SOX6: variants seen among roughly 807,000 people sequenced by gnomAD.
SOX6 encodes transcription factor SOX-6.
In SOX6, 11 loss-of-function variants were observed where a neutral mutation model predicts 97.8. That is an observed-to-expected ratio of 0.11 (90% CI 0.07 to 0.19). The LOEUF is 0.19. SOX6 is among the 10% of genes least tolerant of loss of function. The pLI is 1.00. For synonymous variants in SOX6, 360 were observed against 371.4 expected (o/e 0.97, Z 0.35); for missense variants, 810 against 1,039.5 (o/e 0.78, Z 3.04).
intron 13 of SOX6, among the ~76,000 whole-genome samples, chr11:16,004,749 T>C (rs1010831554): frequency 1.3e-5 from 2 of 152,088 alleles, no homozygotes; most frequent in Admixed American, 1.3e-4. Context: ...AGGCAACCAA[T>C]TTAGTCAGCT....
At chr11:16,560,346 T>A (rs1488608998) in intron 4 of SOX6, among the ~76,000 whole-genome samples, 1 of 152,182 alleles carries the variant, frequency 6.6e-6, no homozygotes, top group Non-Finnish European at 1.5e-5. Flanking sequence ...GTTATTCTAG[T>A]GCCTAGCATT....
chr11:16,516,437 G>A (rs1199661017), intron 4 of SOX6, among the ~76,000 whole-genome samples: 1 of 152,102 alleles, frequency 6.6e-6, no homozygotes, highest in African/African-American at 2.4e-5. Flanking sequence ...ATGAGCTTAA[G>A]GAGATTTTGG....
At chr11:16,364,442 G>A (rs1857295603) in intron 1 of SOX6, among the ~76,000 whole-genome samples, 1 of 151,976 alleles carries the variant, frequency 6.6e-6, no homozygotes, top group Non-Finnish European at 1.5e-5. Context: ...CTCCAACCTG[G>A]CCTCCCTCAA....
intron 1 of SOX6, among the ~76,000 whole-genome samples, chr11:16,423,681 G>A (rs540896710): frequency 5.6e-4 from 85 of 152,230 alleles, no homozygotes; most frequent in Non-Finnish European, 1.1e-3. Context: ...TGCTGAATTT[G>A]AAGTGACAAT....
intron 8 of SOX6, among the ~76,000 whole-genome samples, chr11:16,097,215 G>C (rs79840906): frequency 0.011 from 1,615 of 151,864 alleles, 27 homozygotes; most frequent in African/African-American, 0.037. Context: ...TATTCTATGA[G>C]CTACAAGAAG....
At chr11:16,590,473 A>G (rs1848137532) in intron 4 of SOX6, among the ~76,000 whole-genome samples, 1 of 152,200 alleles carries the variant, frequency 6.6e-6, no homozygotes, top group South Asian at 2.1e-4. Flanking sequence ...CACTAACTAC[A>G]TCATTCACAA....
intron 13 of SOX6, among the ~76,000 whole-genome samples, chr11:15,996,459 T>C (rs1312333926): frequency 6.6e-6 from 1 of 151,902 alleles, no homozygotes; most frequent in Non-Finnish European, 1.5e-5. Context: ...TGAGACTCTG[T>C]CTCTACAAAA....
intron 4 of SOX6, among the ~76,000 whole-genome samples, chr11:16,513,027 A>C (rs944580123): frequency 1.3e-5 from 2 of 152,200 alleles, no homozygotes; most frequent in Non-Finnish European, 2.9e-5. Context: ...CAATGAGACA[A>C]CCTGAAAAAA....
chr11:16,063,576 A>C (rs1848021159), intron 9 of SOX6, among the ~76,000 whole-genome samples: 1 of 115,972 alleles, frequency 8.6e-6, no homozygotes, highest in African/African-American at 3.1e-5. Flanking sequence ...TGATACAATC[A>C]TTTAGGATCT....
intron 4 of SOX6, among the ~76,000 whole-genome samples, chr11:16,542,209 C>T (rs909010516): frequency 6.6e-6 from 1 of 152,114 alleles, no homozygotes; most frequent in African/African-American, 2.4e-5. Flanking sequence ...CAAACTATCA[C>T]AAGGACAGAA....
intron 11 of SOX6, among the ~76,000 whole-genome samples, chr11:16,047,673 C>G (rs1016001373): frequency 2.7e-5 from 4 of 150,620 alleles, no homozygotes; most frequent in Admixed American, 6.6e-5. Flanking sequence ...GATCCACTTG[C>G]TTGAGGGCTC....
intron 6 of SOX6, among the ~76,000 whole-genome samples, chr11:16,172,759 T>C (rs1164624196): frequency 2.6e-5 from 4 of 151,936 alleles, no homozygotes; most frequent in Admixed American, 1.3e-4. Flanking sequence ...ATATGGAAAA[T>C]GAAAAGGCAG....
chr11:16,267,230 A>T (rs1854107168), intron 3 of SOX6, among the ~76,000 whole-genome samples: 1 of 151,626 alleles, frequency 6.6e-6, no homozygotes, highest in Admixed American at 6.6e-5. Context: ...TGCACAACAA[A>T]TGAAACAATT....
intron 3 of SOX6, among the ~76,000 whole-genome samples, chr11:16,636,598 A>T (rs1848793885): frequency 6.6e-6 from 1 of 152,100 alleles, no homozygotes; most frequent in East Asian, 1.9e-4. Flanking sequence ...TGAGGACATG[A>T]GATATGGGAG....
chr11:16,148,343 T>A (rs1038448221), intron 6 of SOX6, among the ~76,000 whole-genome samples: 6 of 152,170 alleles, frequency 3.9e-5, no homozygotes, highest in Admixed American at 1.3e-4. Context: ...TCCCAGCTGC[T>A]GTGACTTGTG....
chr11:15,975,132 A>C (rs968163100), intron 15 of SOX6, among the ~76,000 whole-genome samples: 3 of 152,330 alleles, frequency 2.0e-5, no homozygotes, highest in Non-Finnish European at 4.4e-5. Flanking sequence ...TATGATTCTC[A>C]TGGTGAGTTT....
chr11:16,594,052 C>A (rs1419175699), intron 4 of SOX6, among the ~76,000 whole-genome samples: 1 of 152,284 alleles, frequency 6.6e-6, no homozygotes, highest in African/African-American at 2.4e-5. Context: ...TAAGACACAG[C>A]TAATTATGAA....
At chr11:16,727,395 T>A (rs1354179758) in intron 2 of SOX6, among the ~76,000 whole-genome samples, 1 of 145,130 alleles carries the variant, frequency 6.9e-6, no homozygotes, top group Non-Finnish European at 1.5e-5. Context: ...GGATGTAACA[T>A]AATTTATTTA....
At chr11:16,368,042 C>G (rs1034953198) in intron 1 of SOX6, among the ~76,000 whole-genome samples, 7 of 152,204 alleles carry the variant, frequency 4.6e-5, no homozygotes, top group African/African-American at 1.7e-4. Flanking sequence ...AAAGTCGCGG[C>G]TTCCATGAAC....
Sources: gnomAD v4.1 joint callset for allele counts (sites outside exome capture counted in the v4.1 genomes callset) on GRCh38, gnomAD v4.1.1 for gene constraint, MANE v1.5 for transcripts, NCBI Gene and HGNC (gene_info 2026-07-23, HGNC 2026-07-21) for gene names.